The following VWA2 variants were observed in gnomAD, a reference collection of about 807,000 sequenced individuals.
VWA2 encodes von Willebrand factor A domain containing 2, also known as von Willebrand factor A domain-containing protein 2.
A neutral mutation model predicts 70.4 loss-of-function variants in VWA2; 73 were observed. That is an observed-to-expected ratio of 1.04 (90% confidence interval 0.86 to 1.26). VWA2 has a LOEUF of 1.26. VWA2 is among the 50% of genes most tolerant of loss of function. The probability of loss-of-function intolerance (pLI) is 0.00; values close to 1 mark genes in which losing one functional copy is unlikely to be tolerated. For missense variants in VWA2, 1,011 were observed against 998.5 expected, an observed-to-expected ratio of 1.01 and a Z score of -0.17; for synonymous variants, 407 against 423.3, an observed-to-expected ratio of 0.96 and a Z score of 0.47.
chr10:114,247,277 G>A (rs146890260), intron 1 of VWA2, among the ~76,000 whole-genome samples: 11 of 152,048 alleles, frequency 7.2e-5, no homozygotes, highest in East Asian at 3.9e-4. Context: ...CCAGCACCCC[G>A]GTAGGCCTGG....
At chr10:114,277,274 C>T (rs2037868096) in intron 6 of VWA2, among the ~76,000 whole-genome samples, 1 of 148,854 alleles carries the variant, frequency 6.7e-6, no homozygotes, top group Non-Finnish European at 1.5e-5. Flanking sequence ...TCCTCCACCT[C>T]CCAGGTTCAA....
intron 5 of VWA2, among the ~76,000 whole-genome samples, chr10:114,262,747 C>G (rs2037472177): frequency 6.6e-6 from 1 of 152,176 alleles, no homozygotes; most frequent in Non-Finnish European, 1.5e-5. Context: ...CTATCCCAGC[C>G]CTTTCCTCTG....
chr10:114,291,548 A>T lies in VWA2; in HGVS notation c.*311A>T. The T allele has an allele frequency of 2.9e-6, 1 of 349,066 alleles. No individual in the cohort carries two copies. Among genetic ancestry groups the T allele is most frequent in the South Asian group, 4.4e-5 (1 of 22,590 alleles). 21.6% of individuals were successfully genotyped at this position (349,066 alleles called of 1,614,324 possible). On this transcript the variant is annotated 3_prime_UTR_variant, in exon 14 of 14. Transcript: ENST00000392982. ...CCTTGTTGAGGCTATGTCATCTGCC[A>T]CCTTTCCCTTGAGGATAAACAAGGG...
intron 5 of VWA2, among the ~76,000 whole-genome samples, chr10:114,267,031 G>A (rs2037584948): frequency 6.6e-6 from 1 of 151,962 alleles, no homozygotes; most frequent in African/African-American, 2.4e-5. Context: ...CTCCTAAAAG[G>A]TAACATTTGA....
intron 2 of VWA2, among the ~76,000 whole-genome samples, 167 bp from the exon 3 acceptor site, chr10:114,253,484 G>T (rs1425865886): frequency 6.7e-6 from 1 of 149,052 alleles, no homozygotes; most frequent in African/African-American, 2.5e-5. Context: ...TAATTGGGGG[G>T]TTTCTTTATG....
rs769050713 is a variant in VWA2 at position 114,282,529 on chromosome 10, T to A, written c.847T>A (p.Phe283Ile). 1 of 1,613,944 alleles carries A rather than the reference T, an allele frequency of 6.2e-7. No individual in the cohort carries two copies. Among genetic ancestry groups the A allele is most frequent in the African/African-American group, 1.3e-5 (1 of 74,900 alleles). ...CTTGGATTGTAGCTGGAAGAGAGTG[T>A]TCCTAACCCACCCTGCCACCTGCTA... The part of the protein sequence containing the change: ...HCPFYSWKRV[F>I]LTHPATCYRT... The change falls in exon 9 of 14, where the codon TTC becomes ATC. Residue 283 changes from phenylalanine (F) to isoleucine (I), a missense_variant. Physicochemically the swap from Phe to Ile is conservative, Grantham distance 21. Coordinates refer to ENST00000392982, the MANE Select transcript of VWA2 (RefSeq NM_001272046.2).
intron 8 of VWA2, among the ~76,000 whole-genome samples, chr10:114,279,215 G>T (rs1308862248): frequency 6.6e-6 from 1 of 152,178 alleles, no homozygotes; most frequent in Non-Finnish European, 1.5e-5. Context: ...GGCTGAGTGA[G>T]GCAAGAGGAT....
At chr10:114,240,911 G>C (rs1388094106) in intron 1 of VWA2, among the ~76,000 whole-genome samples, 2 of 152,172 alleles carry the variant, frequency 1.3e-5, no homozygotes, top group Non-Finnish European at 2.9e-5. Context: ...ATCATCTCTG[G>C]CTGAAAACCA....
intron 1 of VWA2, chr10:114,246,425 C>T (rs2037070295): frequency 3.4e-6 from 2 of 595,568 alleles, no homozygotes; most frequent in South Asian, 4.2e-5. Flanking sequence ...CGCTTGAACC[C>T]GGGAGGCAGA....
At chr10:114,247,311 C>T (rs2037093180) in intron 1 of VWA2, among the ~76,000 whole-genome samples, 1 of 152,112 alleles carries the variant, frequency 6.6e-6, no homozygotes, top group African/African-American at 2.4e-5. Context: ...CATCTTTAAC[C>T]ACTTATCTCC....
intron 8 of VWA2, among the ~76,000 whole-genome samples, chr10:114,280,270 C>T (rs540900712): frequency 2.0e-5 from 3 of 152,314 alleles, no homozygotes; most frequent in South Asian, 2.1e-4. Context: ...GGCACTCACC[C>T]AGGTCCTGGG....
At chr10:114,242,813 T>C (rs370887672) in intron 1 of VWA2, among the ~76,000 whole-genome samples, 27 of 152,372 alleles carry the variant, frequency 1.8e-4, no homozygotes, top group African/African-American at 6.5e-4. Context: ...ATATATTAAA[T>C]GTAATGATAA....
chr10:114,282,017 C>CTT (rs144974085), intron 8 of VWA2, among the ~76,000 whole-genome samples: 1 of 119,660 alleles, frequency 8.4e-6, no homozygotes, highest in Non-Finnish European at 1.7e-5. Context: ...CTTATGTTAC[C>CTT]TTTTTTTTTT....
intron 1 of VWA2, chr10:114,246,523 A>AC: frequency 1.2e-6 from 1 of 806,438 alleles, no homozygotes; most frequent in East Asian, 2.6e-5. Context: ...AAAAAAAAAA[A>AC]AACGAGTATC....
chr10:114,290,123 G>A, intron 12 of VWA2, 117 bp from the exon 13 acceptor site: 1 of 1,391,974 alleles, frequency 7.2e-7, no homozygotes, highest in South Asian at 1.4e-5. Context: ...AGCTACCGGG[G>A]CAAAGGGAGA....
Position 114,253,472 on chromosome 10 carries a change from G to T in VWA2, c.53-179G>T, listed in dbSNP as rs76605196. Reference sequence around the variant, plus strand: ...ATACAAAGATACCTCATAGAAGTGAGGTAATTGGGGGGTTTCTTTATGTTA... The same window carrying T: ...ATACAAAGATACCTCATAGAAGTGATGTAATTGGGGGGTTTCTTTATGTTA... On this transcript the variant is annotated intron_variant, in intron 2 of 13. Transcript: ENST00000392982. Among the ~76,000 whole-genome samples, 714 of 148,614 alleles carry T rather than the reference G, an allele frequency of 4.8e-3. 8 individuals are homozygous for T. The highest frequency in any genetic ancestry group is 0.017 in the African/African-American group (665 of 39,998).
At chr10:114,242,879 C>T (rs2036998701) in intron 1 of VWA2, among the ~76,000 whole-genome samples, 1 of 152,176 alleles carries the variant, frequency 6.6e-6, no homozygotes, top group Non-Finnish European at 1.5e-5. Flanking sequence ...GACTTTTCTA[C>T]CCTGTCTCAC....
At chr10:114,260,681 G>A (rs114889632) in intron 4 of VWA2, among the ~76,000 whole-genome samples, 1 of 152,176 alleles carries the variant, frequency 6.6e-6, no homozygotes, top group Non-Finnish European at 1.5e-5. Context: ...AAGTCCAATG[G>A]CCTGGCTGCC....
At chr10:114,251,028 T>G (rs1174239698) in intron 2 of VWA2, among the ~76,000 whole-genome samples, 1 of 152,258 alleles carries the variant, frequency 6.6e-6, no homozygotes, top group Non-Finnish European at 1.5e-5. Flanking sequence ...TCCCTACTCC[T>G]GGGCTGGCTG....
Sources: allele counts gnomAD v4.1 joint callset (sites outside exome capture counted in the v4.1 genomes callset), GRCh38; gene constraint gnomAD v4.1.1; transcripts MANE v1.5; gene names NCBI Gene and HGNC (gene_info 2026-07-23, HGNC 2026-07-21).